Variants in SCAPER observed in about 807,000 individuals in gnomAD.
SCAPER encodes the protein S phase cyclin A-associated protein in the endoplasmic reticulum.
In SCAPER, 98 loss-of-function variants were observed where a neutral mutation model predicts 182.2. The ratio of observed to expected loss-of-function variants is 0.54; its 90% confidence interval spans 0.46 to 0.64. The LOEUF (loss-of-function observed/expected upper bound fraction) is 0.64. Among genes scored for constraint, SCAPER ranks in the 30% least tolerant of loss-of-function variants. SCAPER has a pLI of 0.00. For synonymous variants in SCAPER, 605 were observed against 564.6 expected, an observed-to-expected ratio of 1.07 and a Z score of -1.01; for missense variants, 1,432 against 1,690.0, an observed-to-expected ratio of 0.85 and a Z score of 2.68.
intron 24 of SCAPER, among the ~76,000 whole-genome samples, chr15:76,486,659 C>G (rs2051686399): frequency 6.6e-6 from 1 of 152,144 alleles, no homozygotes; most frequent in South Asian, 2.1e-4. Flanking sequence ...TTACACCAGT[C>G]AGAATGGCTA....
chr15:76,399,586 G>T (rs1383999160), intron 27 of SCAPER, among the ~76,000 whole-genome samples: 1 of 152,138 alleles, frequency 6.6e-6, no homozygotes, highest in African/African-American at 2.4e-5. Flanking sequence ...TTTACTTAAA[G>T]AAATGCAAGT....
intron 8 of SCAPER, among the ~76,000 whole-genome samples, chr15:76,781,464 T>C (rs1278799820): frequency 6.6e-6 from 1 of 152,178 alleles, no homozygotes; most frequent in Non-Finnish European, 1.5e-5. Flanking sequence ...GAAAACACTC[T>C]TCAGGATATT....
At chr15:76,549,527 C>T (rs1050511749) in intron 23 of SCAPER, among the ~76,000 whole-genome samples, 3 of 151,988 alleles carry the variant, frequency 2.0e-5, no homozygotes, top group Non-Finnish European at 2.9e-5. Context: ...TGTTGTCACT[C>T]ATAGGTGGGA....
chr15:76,890,861 A>T (rs924458656), intron 1 of SCAPER, among the ~76,000 whole-genome samples: 9 of 152,158 alleles, frequency 5.9e-5, no homozygotes, highest in Non-Finnish European at 1.0e-4. Context: ...CAGAGACACA[A>T]CAAAAAAAGA....
At chr15:76,480,503 T>G (rs2051023824) in intron 24 of SCAPER, among the ~76,000 whole-genome samples, 1 of 152,178 alleles carries the variant, frequency 6.6e-6, no homozygotes, top group Non-Finnish European at 1.5e-5. Context: ...AAACTGAGAC[T>G]TGGGTCAAAC....
chr15:76,412,123 G>C (rs1263907748), intron 26 of SCAPER, among the ~76,000 whole-genome samples: 1 of 152,064 alleles, frequency 6.6e-6, no homozygotes, highest in Non-Finnish European at 1.5e-5. Context: ...AGTTGTTCTA[G>C]CACCATTCAT....
chr15:76,619,267 TTTG>T (rs1355995639), intron 22 of SCAPER, among the ~76,000 whole-genome samples: 2 of 152,224 alleles, frequency 1.3e-5, no homozygotes, highest in Non-Finnish European at 2.9e-5. Flanking sequence ...ATTTATCCTT[TTTG>T]TTGTGTGTTT....
intron 26 of SCAPER, among the ~76,000 whole-genome samples, chr15:76,420,493 T>C (rs114933002): frequency 6.6e-6 from 1 of 152,264 alleles, no homozygotes; most frequent in South Asian, 2.1e-4. Flanking sequence ...GGTATTTCCA[T>C]ACATTAATAG....
At chr15:76,622,702 G>C (rs2052205382) in intron 21 of SCAPER, among the ~76,000 whole-genome samples, 1 of 152,144 alleles carries the variant, frequency 6.6e-6, no homozygotes, top group Non-Finnish European at 1.5e-5. Context: ...TCATCTGAAA[G>C]GTGGGAAAAG....
intron 29 of SCAPER, among the ~76,000 whole-genome samples, chr15:76,373,747 C>A (rs1207845221): frequency 2.0e-5 from 3 of 152,160 alleles, no homozygotes; most frequent in African/African-American, 2.4e-5. Context: ...TCCTGCAGTG[C>A]GGTTCAGGGA....
At chr15:76,480,404 T>C (rs1371214449) in intron 24 of SCAPER, among the ~76,000 whole-genome samples, 2 of 152,196 alleles carry the variant, frequency 1.3e-5, no homozygotes, top group African/African-American at 4.8e-5. Context: ...TGAACCTAAG[T>C]CAGTGCCCCT....
intron 24 of SCAPER, among the ~76,000 whole-genome samples, chr15:76,483,468 AAC>A (rs1333288683): frequency 6.6e-6 from 1 of 152,156 alleles, no homozygotes; most frequent in African/African-American, 2.4e-5. Flanking sequence ...CAATATCAAA[AAC>A]ACACTCCATG....
intron 20 of SCAPER, among the ~76,000 whole-genome samples, chr15:76,701,009 G>T (rs2058911990): frequency 6.6e-6 from 1 of 151,814 alleles, no homozygotes; most frequent in Non-Finnish European, 1.5e-5. Context: ...TTATGATCTG[G>T]GTGGTTTTAT....
chr15:76,717,564 G>C (rs1051300495), intron 17 of SCAPER, among the ~76,000 whole-genome samples: 2 of 152,116 alleles, frequency 1.3e-5, no homozygotes, highest in Non-Finnish European at 2.9e-5. Flanking sequence ...TCTAGTTTTT[G>C]TATGTGCCAG....
At chr15:76,795,010 C>T (rs2065227853) in intron 8 of SCAPER, among the ~76,000 whole-genome samples, 1 of 152,066 alleles carries the variant, frequency 6.6e-6, no homozygotes, top group Non-Finnish European at 1.5e-5. Flanking sequence ...CAAAAGAATT[C>T]TAAAGGATCT....
chr15:76,655,144 A>T (rs1177798247), intron 21 of SCAPER, among the ~76,000 whole-genome samples: 2 of 152,234 alleles, frequency 1.3e-5, no homozygotes, highest in African/African-American at 2.4e-5. Flanking sequence ...CAATGATTCT[A>T]AGGAATACAA....
intron 2 of SCAPER, among the ~76,000 whole-genome samples, chr15:76,865,232 C>T (rs553136151): frequency 3.7e-4 from 57 of 152,126 alleles, no homozygotes; most frequent in African/African-American, 1.3e-3. Context: ...AAGCATATCA[C>T]AGAAAAACTG....
chr15:76,805,576 T>C (rs1461966115), intron 5 of SCAPER, among the ~76,000 whole-genome samples: 1 of 48,214 alleles, frequency 2.1e-5, no homozygotes, highest in Non-Finnish European at 4.7e-5. Context: ...TTTTTTTTTT[T>C]GGAGACGGAG....
intron 24 of SCAPER, among the ~76,000 whole-genome samples, chr15:76,488,325 A>G (rs1302532165): frequency 6.6e-6 from 1 of 152,206 alleles, no homozygotes; most frequent in Non-Finnish European, 1.5e-5. Context: ...ACAATTATAT[A>G]GAATATCTAT....
Sources: allele counts gnomAD v4.1 joint callset (sites outside exome capture counted in the v4.1 genomes callset), GRCh38; gene constraint gnomAD v4.1.1; transcripts MANE v1.5; gene names NCBI Gene and HGNC (gene_info 2026-07-23, HGNC 2026-07-21).